SPIDR: variants seen among roughly 807,000 people sequenced by gnomAD.
The protein encoded by SPIDR is DNA repair-scaffolding protein.
Under a neutral mutation model 104.6 loss-of-function variants are expected in SPIDR, and 93 were observed. The ratio of observed to expected loss-of-function variants is 0.89; its 90% CI spans 0.75 to 1.06. The LOEUF (loss-of-function observed/expected upper bound fraction) is 1.06, where lower values mean the gene tolerates loss of function less well. Ranked by LOEUF, SPIDR falls within the 50% of genes least tolerant of loss-of-function variation. The pLI is 0.00. For missense variants in SPIDR, 1,154 were observed against 1,111.2 expected (o/e 1.04, Z -0.55); for synonymous variants, 431 against 416.9 (o/e 1.03, Z -0.41).
chr8:47,652,911 T>C (rs2071939206), intron 10 of SPIDR, among the ~76,000 whole-genome samples: 1 of 152,160 alleles, frequency 6.6e-6, no homozygotes, highest in Non-Finnish European at 1.5e-5. Context: ...CTAAGGATGA[T>C]TCAACACTGT....
intron 5 of SPIDR, among the ~76,000 whole-genome samples, chr8:47,301,334 G>A (rs1385930569): frequency 1.3e-5 from 2 of 152,010 alleles, no homozygotes; most frequent in Non-Finnish European, 2.9e-5. Flanking sequence ...GAGCCTATGT[G>A]TGTCTCTGCA....
At chr8:47,556,904 A>G (rs894438498) in intron 8 of SPIDR, among the ~76,000 whole-genome samples, 3 of 152,168 alleles carry the variant, frequency 2.0e-5, no homozygotes, top group Admixed American at 2.0e-4. Context: ...GCGCCCAGCC[A>G]GCATAGTAAA....
chr8:47,420,236 T>A (rs1414380666), intron 7 of SPIDR, among the ~76,000 whole-genome samples: 1 of 152,174 alleles, frequency 6.6e-6, no homozygotes, highest in Middle Eastern at 3.2e-3. Flanking sequence ...CCCATTATTA[T>A]TGTGTGGGAG....
chr8:47,409,394 T>C (rs140590293), intron 7 of SPIDR, among the ~76,000 whole-genome samples: 1 of 152,286 alleles, frequency 6.6e-6, no homozygotes, highest in African/African-American at 2.4e-5. Context: ...TCCACATGTC[T>C]AGAAAAGCCT....
intron 7 of SPIDR, among the ~76,000 whole-genome samples, chr8:47,417,085 A>C (rs2064473668): frequency 6.6e-6 from 1 of 152,218 alleles, no homozygotes; most frequent in South Asian, 2.1e-4. Flanking sequence ...CACAATAAAC[A>C]TACATGTGCA....
At chr8:47,732,327 G>A (rs139500219) in intron 19 of SPIDR, 4 of 644,154 alleles carry the variant, frequency 6.2e-6, no homozygotes, top group African/African-American at 5.4e-5. Context: ...GTGTGCATCA[G>A]AGCACCTTTG....
intron 19 of SPIDR, chr8:47,729,821 C>T (rs770316536): frequency 1.5e-5 from 3 of 197,016 alleles, no homozygotes; most frequent in East Asian, 1.3e-4. Flanking sequence ...CAGGTTCAAG[C>T]GATTCTCCTG....
In SPIDR at chr8:47,697,569, T is replaced by G. The variant is rs371991346; in HGVS notation, c.1686-2834T>G. Among the ~76,000 whole-genome samples, 27 of 152,270 alleles carry G rather than the reference T, an allele frequency of 1.8e-4. 1 individual carries two copies. Among genetic ancestry groups the G allele is most frequent in the African/African-American group, 6.3e-4 (26 of 41,548 alleles). On this transcript the variant is annotated intron_variant, in intron 11 of 19. Coordinates refer to ENST00000297423, the MANE Select transcript of SPIDR (RefSeq NM_001080394.4). ...GCTCCTGCCAGGCCTCCTGCCTCCCTCCTCCCGCCTCCAGGAGCAGCTGCG... is the reference window on the plus strand; with the variant it reads ...GCTCCTGCCAGGCCTCCTGCCTCCCGCCTCCCGCCTCCAGGAGCAGCTGCG...
At chr8:47,502,366 T>C (rs1424558607) in intron 8 of SPIDR, among the ~76,000 whole-genome samples, 1 of 152,224 alleles carries the variant, frequency 6.6e-6, no homozygotes, top group Non-Finnish European at 1.5e-5. Context: ...GGTTTAGTCT[T>C]GGGAGGGTGT....
intron 8 of SPIDR, among the ~76,000 whole-genome samples, chr8:47,478,008 AG>A (rs1272304121): frequency 5.3e-5 from 8 of 152,306 alleles, no homozygotes; most frequent in Admixed American, 5.2e-4. Context: ...GAACATGTGA[AG>A]GGGAAGTGGT....
chr8:47,714,496 A>G (rs2082297853), intron 16 of SPIDR, among the ~76,000 whole-genome samples: 1 of 152,068 alleles, frequency 6.6e-6, no homozygotes, highest in African/African-American at 2.4e-5. Context: ...TAGCATTATT[A>G]TTTTCTCTTT....
chr8:47,583,434 A>G (rs556432650), intron 8 of SPIDR, among the ~76,000 whole-genome samples: 101 of 152,288 alleles, frequency 6.6e-4, no homozygotes, highest in Non-Finnish European at 1.0e-3. Context: ...TTTCAGTTCA[A>G]TCTTCACAAA....
At chr8:47,691,889 C>G (rs551712747) in intron 11 of SPIDR, among the ~76,000 whole-genome samples, 9 of 152,196 alleles carry the variant, frequency 5.9e-5, no homozygotes, top group Admixed American at 5.9e-4. Flanking sequence ...TGGGCTCGCT[C>G]CCAACCCTGT....
At chr8:47,471,271 A>G (rs1286697187) in intron 8 of SPIDR, among the ~76,000 whole-genome samples, 5 of 151,090 alleles carry the variant, frequency 3.3e-5, no homozygotes, top group Non-Finnish European at 5.9e-5. Flanking sequence ...CAAATTGTAT[A>G]TCTGCTAATG....
At position 47,727,114 on chromosome 8, in the gene SPIDR, CAT is replaced by C. The variant is rs1222875552; in HGVS notation, c.2342-85_2342-84del. The C allele has an allele frequency of 2.7e-6, 3 of 1,129,452 alleles. No homozygotes were observed. In the African/African-American group the frequency reaches 4.6e-5, roughly 17 times the overall value. 70.0% of individuals were successfully genotyped at this position (1,129,452 alleles called of 1,614,324 possible). A position where few individuals can be genotyped will look rare whatever the true frequency, so the allele number is the denominator to read the frequency against. On this transcript the variant is annotated intron_variant, in intron 16 of 19. Coordinates refer to ENST00000297423, the MANE Select transcript of SPIDR (RefSeq NM_001080394.4). ...GTAAGGCAAAAATCACGAGGCCCCT[CAT>C]GTTGTCCTCTGCACGTGGAGGAGCA...
chr8:47,553,267 T>C (rs904647944), intron 8 of SPIDR, among the ~76,000 whole-genome samples: 8 of 152,210 alleles, frequency 5.3e-5, no homozygotes, highest in African/African-American at 1.9e-4. Flanking sequence ...GAGGAGTGTC[T>C]TTGTGGCATT....
At chr8:47,572,068 G>A (rs931313248) in intron 8 of SPIDR, among the ~76,000 whole-genome samples, 3 of 152,104 alleles carry the variant, frequency 2.0e-5, no homozygotes, top group Non-Finnish European at 2.9e-5. Flanking sequence ...TGTAGTGAGT[G>A]CTCAGTAAAT....
intron 5 of SPIDR, among the ~76,000 whole-genome samples, chr8:47,390,057 C>T (rs2060395293): frequency 6.6e-6 from 1 of 152,078 alleles, no homozygotes; most frequent in Non-Finnish European, 1.5e-5. Flanking sequence ...GGGATGTGCA[C>T]ACTTAAGTAG....
intron 8 of SPIDR, among the ~76,000 whole-genome samples, chr8:47,443,251 C>T (rs1002816443): frequency 5.3e-5 from 8 of 151,984 alleles, no homozygotes; most frequent in Non-Finnish European, 1.2e-4. Context: ...AGATTATTTG[C>T]CTATATTCAG....
Sources: allele counts gnomAD v4.1 joint callset (sites outside exome capture counted in the v4.1 genomes callset), GRCh38; gene constraint gnomAD v4.1.1; transcripts MANE v1.5; gene names NCBI Gene and HGNC (gene_info 2026-07-23, HGNC 2026-07-21).